Variants in PARD3B observed in about 807,000 individuals in gnomAD.
PARD3B encodes the protein par-3 family cell polarity regulator beta.
PARD3B carries 103 observed loss-of-function variants against 130.2 expected under a neutral mutation model. The ratio of observed to expected loss-of-function variants is 0.79; its 90% CI spans 0.67 to 0.93. The LOEUF is 0.93. Among genes scored for constraint, PARD3B ranks in the 40% least tolerant of loss-of-function variants. The probability of loss-of-function intolerance (pLI) is 0.00; values close to 1 mark genes in which losing one functional copy is unlikely to be tolerated. For missense variants in PARD3B, 1,609 were observed against 1,499.2 expected, an observed-to-expected ratio of 1.07 and a Z score of -1.21; for synonymous variants, 583 against 553.2, an observed-to-expected ratio of 1.05 and a Z score of -0.76.
chr2:205,008,406 C>T (rs1045766742), intron 3 of PARD3B, among the ~76,000 whole-genome samples: 4 of 151,198 alleles, frequency 2.6e-5, no homozygotes, highest in African/African-American at 9.7e-5. Flanking sequence ...ATGAATTTCC[C>T]TTCTGTACTT....
chr2:205,573,109 C>T (rs1462744357), intron 22 of PARD3B, among the ~76,000 whole-genome samples: 5 of 152,060 alleles, frequency 3.3e-5, no homozygotes, highest in East Asian at 1.9e-4. Context: ...AAGAACAGCA[C>T]GGAGGTAACC....
At chr2:204,568,139 G>A (rs1359433347) in intron 1 of PARD3B, among the ~76,000 whole-genome samples, 1 of 152,160 alleles carries the variant, frequency 6.6e-6, no homozygotes, top group Non-Finnish European at 1.5e-5. Context: ...TTTCAAAAAA[G>A]GTATTGGGAT....
At chr2:205,479,323 T>C (rs182169105) in intron 20 of PARD3B, among the ~76,000 whole-genome samples, 1 of 152,324 alleles carries the variant, frequency 6.6e-6, no homozygotes, top group Non-Finnish European at 1.5e-5. Flanking sequence ...AACTCATTTA[T>C]TGAACACATC....
chr2:205,367,149 C>T (rs2044639922), intron 18 of PARD3B, among the ~76,000 whole-genome samples: 1 of 152,202 alleles, frequency 6.6e-6, no homozygotes, highest in South Asian at 2.1e-4. Context: ...AATTTGAAGA[C>T]ATTTCAAAAG....
At chr2:204,633,701 A>T (rs1438485789) in intron 1 of PARD3B, among the ~76,000 whole-genome samples, 1 of 152,152 alleles carries the variant, frequency 6.6e-6, no homozygotes, top group East Asian at 1.9e-4. Flanking sequence ...AGCCCCAGCT[A>T]CTTGGGAGTC....
chr2:205,296,406 G>T (rs2041793124), intron 16 of PARD3B, among the ~76,000 whole-genome samples: 2 of 152,194 alleles, frequency 1.3e-5, no homozygotes, highest in African/African-American at 4.8e-5. Flanking sequence ...CTGAGTCAGA[G>T]AAACTGAGGT....
chr2:204,655,289 C>T (rs1221922497), intron 1 of PARD3B, among the ~76,000 whole-genome samples: 3 of 152,160 alleles, frequency 2.0e-5, no homozygotes, highest in Non-Finnish European at 1.5e-5. Flanking sequence ...GCTGATACTG[C>T]TCCCTAAAGT....
At chr2:204,744,587 T>C (rs979514508) in intron 2 of PARD3B, among the ~76,000 whole-genome samples, 1 of 150,222 alleles carries the variant, frequency 6.7e-6, no homozygotes, top group Admixed American at 6.7e-5. Context: ...CTAAGAGGAG[T>C]CAGAAAGAGA....
chr2:205,527,715 G>T (rs562639333), intron 21 of PARD3B, among the ~76,000 whole-genome samples: 2 of 152,256 alleles, frequency 1.3e-5, no homozygotes, highest in Non-Finnish European at 2.9e-5. Flanking sequence ...CTTCGTATCC[G>T]ATGATGCCAT....
chr2:204,595,603 A>G (rs1445302445), intron 1 of PARD3B, among the ~76,000 whole-genome samples: 1 of 152,258 alleles, frequency 6.6e-6, no homozygotes, highest in Non-Finnish European at 1.5e-5. Flanking sequence ...TTAGTTGCTT[A>G]TTAAGAAGTG....
chr2:204,949,045 C>T (rs1276974128), intron 2 of PARD3B, among the ~76,000 whole-genome samples: 1 of 152,158 alleles, frequency 6.6e-6, no homozygotes, highest in African/African-American at 2.4e-5. Context: ...CACAGAATGG[C>T]AGGCATCTTT....
At chr2:205,383,136 A>ATAGAGAGATAGATAGAT (rs2045537528) in intron 18 of PARD3B, among the ~76,000 whole-genome samples, 1 of 140,468 alleles carries the variant, frequency 7.1e-6, no homozygotes, top group South Asian at 2.2e-4. Context: ...AGATAGATAG[A>ATAGAGAGATAGATAGAT]TAGATCGATC....
At chr2:205,383,724 C>A (rs2045564874) in intron 18 of PARD3B, among the ~76,000 whole-genome samples, 1 of 151,956 alleles carries the variant, frequency 6.6e-6, no homozygotes, top group African/African-American at 2.4e-5. Context: ...CCAGATTTCC[C>A]CCTCACCCCT....
rs1235134497 is a variant in PARD3B, at chr2:204,669,641, A to C, written c.121-16540A>C. ...ATTTCCTTGGTTGCAATAAATGTCC[A>C]TACTGTCTATTGGTTTTCAACTTTT... On this transcript the variant is annotated intron_variant, in intron 1 of 22. Transcript: ENST00000406610. This position sits in a 1 kb window ranked among gnomAD's most constrained non-coding sequence, Gnocchi z 4.3. 2.0e-5 allele frequency among the ~76,000 whole-genome samples: 3 copies of C among 152,202 alleles called. No individual in the cohort carries two copies. Among genetic ancestry groups the C allele is most frequent in the Non-Finnish European group, 2.9e-5 (2 of 68,030 alleles).
intron 1 of PARD3B, among the ~76,000 whole-genome samples, chr2:204,670,273 G>C (rs992795520): frequency 5.9e-5 from 9 of 152,310 alleles, no homozygotes; most frequent in African/African-American, 1.9e-4. Flanking sequence ...GCTCAACTCT[G>C]AGTTTGGCTG....
At chr2:204,570,770 T>C (rs2031949847) in intron 1 of PARD3B, among the ~76,000 whole-genome samples, 2 of 150,368 alleles carry the variant, frequency 1.3e-5, no homozygotes, top group Admixed American at 6.6e-5. Context: ...TATAAGCTGT[T>C]GTAACTGAGG....
intron 18 of PARD3B, among the ~76,000 whole-genome samples, chr2:205,361,794 C>G (rs1338037899): frequency 6.6e-6 from 1 of 152,090 alleles, no homozygotes; most frequent in Admixed American, 6.6e-5. Context: ...CTACGTTTTA[C>G]TCTCCTCTTT....
intron 1 of PARD3B, among the ~76,000 whole-genome samples, chr2:204,680,711 A>G (rs1322665194): frequency 3.3e-5 from 5 of 151,934 alleles, no homozygotes; most frequent in African/African-American, 1.2e-4. Context: ...TTTAATTACT[A>G]GAAGTATTTT....
At chr2:205,607,799 C>A (rs143700514) in intron 22 of PARD3B, among the ~76,000 whole-genome samples, 186 of 147,406 alleles carry the variant, frequency 1.3e-3, no homozygotes, top group African/African-American at 4.6e-3. Flanking sequence ...TTAATGAAAT[C>A]ATGACATGGA....
Sources: gnomAD v4.1 joint callset for allele counts (sites outside exome capture counted in the v4.1 genomes callset) on GRCh38, gnomAD v4.1.1 for gene constraint, Gnocchi (gnomAD v3.1) non-coding constraint, MANE v1.5 for transcripts, NCBI Gene and HGNC (gene_info 2026-07-23, HGNC 2026-07-21) for gene names.